CENPF: variants seen among roughly 807,000 people sequenced by gnomAD.
CENPF encodes centromere protein F.
Under a neutral mutation model 307.3 loss-of-function variants are expected in CENPF, and 214 were observed. The observed-to-expected ratio is 0.70, with a 90% CI of 0.62 to 0.78. CENPF has a LOEUF of 0.78. Among genes scored for constraint, CENPF ranks in the 30% least tolerant of loss-of-function variants. The pLI, the probability that CENPF is intolerant of heterozygous loss-of-function variation, is 0.00. For missense variants in CENPF, 3,401 were observed against 3,483.9 expected (o/e 0.98, Z 0.60); for synonymous variants, 1,259 against 1,270.6 (o/e 0.99, Z 0.19).
At chr1:214,657,726 G>A (rs771676439) in intron 18 of CENPF, among the ~76,000 whole-genome samples, 12 of 152,324 alleles carry the variant, frequency 7.9e-5, no homozygotes, top group Admixed American at 1.3e-4. Context: ...CGTTGGTCAT[G>A]TCTGACCTAG....
intron 9 of CENPF, among the ~76,000 whole-genome samples, chr1:214,630,877 T>C (rs1657789686): frequency 6.6e-6 from 1 of 152,234 alleles, no homozygotes; most frequent in Non-Finnish European, 1.5e-5. Context: ...GATCCGAAAG[T>C]CTGTGGAGCT....
At chr1:214,604,027 A>G (rs1181797683) in intron 1 of CENPF, among the ~76,000 whole-genome samples, 1 of 152,080 alleles carries the variant, frequency 6.6e-6, no homozygotes, top group African/African-American at 2.4e-5. Context: ...AGGACCCAGA[A>G]ATAAAAGGCA....
chr1:214,613,949 C>A, intron 2 of CENPF, 33 bp downstream of exon 2: 1 of 1,570,552 alleles, frequency 6.4e-7, no homozygotes, highest in Non-Finnish European at 8.6e-7. Context: ...TGTAGCTGTT[C>A]ACTCATTATT....
At chr1:214,630,896 A>G (rs1358061052) in intron 9 of CENPF, among the ~76,000 whole-genome samples, 3 of 152,182 alleles carry the variant, frequency 2.0e-5, no homozygotes, top group South Asian at 4.1e-4. Context: ...CTCTCTCATA[A>G]TCTGTTGGTT....
rs145859186 is a variant in CENPF at position 214,640,339 on chromosome 1, G to A, written c.2001G>A (p.Thr667=). 2.5e-5 allele frequency: 40 copies of A among 1,613,916 alleles called. No homozygotes were observed. Among genetic ancestry groups the A allele is most frequent in the African/African-American group, 2.1e-4 (16 of 75,048 alleles). ...ATGAATACAACGAGAGAGTAAGAAC[G>A]CTGGAGATGGACAGAGAAAACCTAA... ...KSHEYNERVR[T]LEMDRENLSV... Residue 667 remains threonine (T), a synonymous_variant, in exon 12 of 20, where the codon ACG becomes ACA. Transcript: ENST00000366955.
chr1:214,644,318 G>T (rs1430213002), intron 12 of CENPF, among the ~76,000 whole-genome samples: 1 of 152,212 alleles, frequency 6.6e-6, no homozygotes, highest in Non-Finnish European at 1.5e-5. Flanking sequence ...GAGCCGAAGG[G>T]TTTGTCTTCA....
Position 214,645,463 on chromosome 1 carries a change from G to A in CENPF, c.5893G>A (p.Gly1965Arg), listed in dbSNP as rs750979274. The change falls in exon 13 of 20, where the codon GGA becomes AGA. Residue 1965 changes from glycine (G) to arginine (R), a missense_variant. By Grantham distance (125) the Gly-to-Arg change is moderately radical. Coordinates refer to ENST00000366955, the MANE Select transcript of CENPF (RefSeq NM_016343.4). ...VVTSERNQLRGELDTMSKKTT... is the reference protein window; with the variant it reads ...VVTSERNQLRRELDTMSKKTT... ...CACAAGTGAGAGAAACCAGCTTCGT[G>A]GAGAATTAGATACTATGTCAAAAAA... 20 of 1,613,860 alleles carry A rather than the reference G, an allele frequency of 1.2e-5. No individual in the cohort carries two copies. Among genetic ancestry groups the A allele is most frequent in the Non-Finnish European group, 1.7e-5 (20 of 1,179,990 alleles).
chr1:214,657,996 ATTTGT>A (rs1658686849), intron 18 of CENPF, among the ~76,000 whole-genome samples: 1 of 152,114 alleles, frequency 6.6e-6, no homozygotes, highest in African/African-American at 2.4e-5. Context: ...TTTTCTATTG[ATTTGT>A]TCTCATTATA....
chr1:214,647,427 A>C (rs1172742053), intron 13 of CENPF, 27 bp downstream of exon 13: 1 of 1,570,336 alleles, frequency 6.4e-7, no homozygotes, highest in African/African-American at 1.4e-5. Context: ...GTTTATGTTT[A>C]AATATGTAGT....
At chr1:214,606,536 C>T (rs1241439367) in intron 1 of CENPF, among the ~76,000 whole-genome samples, 1 of 152,224 alleles carries the variant, frequency 6.6e-6, no homozygotes, top group African/African-American at 2.4e-5. Flanking sequence ...AGCCCTTGCC[C>T]ACCCCCTTGG....
At chr1:214,661,480 T>A (rs1235459851) in intron 19 of CENPF, among the ~76,000 whole-genome samples, 1 of 152,240 alleles carries the variant, frequency 6.6e-6, no homozygotes, top group Non-Finnish European at 1.5e-5. Context: ...TTGAGGTGAC[T>A]GGCTGGGTTA....
At chr1:214,620,308 A>G (rs1657470039) in intron 5 of CENPF, among the ~76,000 whole-genome samples, 1 of 152,222 alleles carries the variant, frequency 6.6e-6, no homozygotes, top group African/African-American at 2.4e-5. Flanking sequence ...GTAACCAAGG[A>G]CAGGCAAAGA....
chr1:214,606,334 T>C (rs1657032489), intron 1 of CENPF, among the ~76,000 whole-genome samples: 1 of 152,204 alleles, frequency 6.6e-6, no homozygotes, highest in South Asian at 2.1e-4. Flanking sequence ...CTAGGATCTG[T>C]AGGGATCCCG....
rs189941961 is a variant in CENPF at position 214,647,203 on chromosome 1, G to A, written c.7633G>A (p.Glu2545Lys). ...EQLVSKLSQV[E>K]GEHQLWKEQN... is the part of the protein sequence containing the mutation. ...GCTTGTCTCTAAACTGTCCCAGGTGGAAGGAGAGCACCAACTTTGGAAGGA... is the reference window on the plus strand; with the variant it reads ...GCTTGTCTCTAAACTGTCCCAGGTGAAAGGAGAGCACCAACTTTGGAAGGA... The change falls in exon 13 of 20, where the codon GAA becomes AAA. Residue 2545 changes from glutamate (E) to lysine (K), a missense_variant. Coordinates refer to ENST00000366955, the MANE Select transcript of CENPF (RefSeq NM_016343.4). The A allele has an allele frequency of 5.0e-6, 8 of 1,614,096 alleles. No homozygotes were observed. In the East Asian group the frequency reaches 1.6e-4, roughly 31 times the overall value.
chr1:214,642,362 C>A lies in CENPF; in HGVS notation c.4024C>A (p.Leu1342Ile). 1 of 1,612,716 alleles carries A rather than the reference C, an allele frequency of 6.2e-7. No homozygotes were observed. Among genetic ancestry groups the A allele is most frequent in the Non-Finnish European group, 8.5e-7 (1 of 1,179,550 alleles). Residue 1342 changes from leucine (L) to isoleucine (I), a missense_variant, in exon 12 of 20, where the codon CTA (leucine) becomes ATA (isoleucine). Coordinates refer to ENST00000366955, the MANE Select transcript of CENPF (RefSeq NM_016343.4). ...TRKMAEEVGK[L>I]LNEVKILNDD... ...GAAAATGGCAGAAGAGGTAGGGAAACTACTAAATGAAGTTAAAATATTAAA... is the reference window on the plus strand; with the variant it reads ...GAAAATGGCAGAAGAGGTAGGGAAAATACTAAATGAAGTTAAAATATTAAA...
rs1657022018 is a variant in CENPF at position 214,606,108 on chromosome 1, G to T, written c.-42+2787G>T. The T allele has an allele frequency of 8.9e-6, 14 of 1,574,334 alleles. No homozygotes were observed. In the South Asian group the frequency reaches 1.6e-4, roughly 18 times the overall value. On this transcript the variant is annotated intron_variant, in intron 1 of 19. Transcript: ENST00000366955. Reference sequence around the variant, plus strand: ...GAGGCGCCGGAGCAGGGTCAGCCGCGGCCTCCGACGCGCGCGCACCCTTCC... The same window carrying T: ...GAGGCGCCGGAGCAGGGTCAGCCGCTGCCTCCGACGCGCGCGCACCCTTCC...
Position 214,641,675 on chromosome 1 carries a change from G to T in CENPF, c.3337G>T (p.Glu1113Ter). 1 of 1,581,530 alleles carries T rather than the reference G, an allele frequency of 6.3e-7. No individual in the cohort carries two copies. The highest frequency in any genetic ancestry group is 8.6e-7 in the Non-Finnish European group (1 of 1,166,568). The part of the protein sequence containing the change: ...LETVQQALRS[E>*]MTDNQNNSKS... Reference sequence around the variant, plus strand: ...GACAGTGCAGCAAGCTCTGAGATCTGAGATGACAGATAACCAAAACAATTC... The same window carrying T: ...GACAGTGCAGCAAGCTCTGAGATCTTAGATGACAGATAACCAAAACAATTC... The change falls in exon 12 of 20, where the codon GAG (glutamate) becomes TAG (stop). Residue 1113 changes from glutamate (E) to a stop codon, truncating the protein, a stop_gained. Coordinates refer to ENST00000366955, the MANE Select transcript of CENPF (RefSeq NM_016343.4). LOFTEE classifies it high-confidence loss of function.
Position 214,656,951 on chromosome 1 carries a change from A to G in CENPF, c.8504A>G (p.Lys2835Arg). ...KQKTGTVMDT[K>R]VDELTTEIKE... ...TGGACAGGTACTGTTATGGATACCAAGGTCGATGAATTAACAACTGAGATC... is the reference window on the plus strand; with the variant it reads ...TGGACAGGTACTGTTATGGATACCAGGGTCGATGAATTAACAACTGAGATC... Residue 2835 changes from lysine to arginine, a missense_variant, in exon 18 of 20, where the codon AAG (lysine) becomes AGG (arginine). Coordinates refer to ENST00000366955, the MANE Select transcript of CENPF (RefSeq NM_016343.4). The G allele has an allele frequency of 6.2e-7, 1 of 1,608,282 alleles. No homozygotes were observed. The highest frequency in any genetic ancestry group is 1.1e-5 in the South Asian group (1 of 90,514).
chr1:214,644,541 T>C lies in CENPF; in HGVS notation c.4987-16T>C, dbSNP rs1374012402. The C allele has an allele frequency of 1.3e-6, 2 of 1,542,034 alleles. No individual in the cohort carries two copies. The highest frequency in any genetic ancestry group is 2.3e-5 in the East Asian group (1 of 44,246). ...TGAAAAATAAAATGCATGCTTGTTA[T>C]GTATTATAATTACAGGCTATTCAAG... On this transcript the variant is annotated splice_polypyrimidine_tract_variant and intron_variant, in intron 12 of 19. Transcript: ENST00000366955.
Sources: allele counts gnomAD v4.1 joint callset (sites outside exome capture counted in the v4.1 genomes callset), GRCh38; gene constraint gnomAD v4.1.1; transcripts MANE v1.5; gene names NCBI Gene and HGNC (gene_info 2026-07-23, HGNC 2026-07-21).